ITSN1: variants seen among roughly 807,000 people sequenced by gnomAD.
ITSN1 encodes intersectin-1.
Under a neutral mutation model 239.8 loss-of-function variants are expected in ITSN1, and 58 were observed. That is an observed-to-expected ratio of 0.24 (90% CI 0.20 to 0.30). The LOEUF (loss-of-function observed/expected upper bound fraction) is 0.30, where lower values mean the gene tolerates loss of function less well. Ranked by LOEUF, ITSN1 falls within the 10% of genes least tolerant of loss-of-function variation. ITSN1 has a pLI of 1.00. For missense variants in ITSN1, 1,558 were observed against 2,103.3 expected, an observed-to-expected ratio of 0.74 and a Z score of 5.07; for synonymous variants, 780 against 770.8, an observed-to-expected ratio of 1.01 and a Z score of -0.20.
intron 16 of ITSN1, among the ~76,000 whole-genome samples, chr21:33,792,446 G>T (rs191478182): frequency 1.4e-3 from 211 of 152,106 alleles, no homozygotes; most frequent in Non-Finnish European, 2.0e-3. Context: ...ATAGTCTTTT[G>T]CTGTAAATTA....
chr21:33,734,640 C>G (rs1378084558), intron 4 of ITSN1, among the ~76,000 whole-genome samples: 1 of 152,156 alleles, frequency 6.6e-6, no homozygotes, highest in Non-Finnish European at 1.5e-5. Flanking sequence ...TTTCTAATAG[C>G]TTTATTGTGA....
rs184998704 is a variant in ITSN1 at position 33,655,033 on chromosome 21, T to C, written c.-33+12320T>C. ...CCTTGTCTCTTTTTTTTTTTCACTATGTCTAGGGACGTTGTGAATTTGTTA... is the reference window on the plus strand; with the variant it reads ...CCTTGTCTCTTTTTTTTTTTCACTACGTCTAGGGACGTTGTGAATTTGTTA... On this transcript the variant is annotated intron_variant, in intron 1 of 39. Coordinates refer to ENST00000381318, the MANE Select transcript of ITSN1 (RefSeq NM_003024.3). Among the ~76,000 whole-genome samples, 289 of 152,320 alleles carry C rather than the reference T, an allele frequency of 1.9e-3. 1 individual carries two copies. The highest frequency in any genetic ancestry group is 2.8e-3 in the Non-Finnish European group (192 of 68,026).
At chr21:33,762,681 A>G (rs1381830926) in intron 9 of ITSN1, among the ~76,000 whole-genome samples, 1 of 151,270 alleles carries the variant, frequency 6.6e-6, no homozygotes. Flanking sequence ...TATTATTATT[A>G]CTTTTGAGAT....
At chr21:33,741,640 C>T (rs189587717) in intron 5 of ITSN1, among the ~76,000 whole-genome samples, 1 of 152,096 alleles carries the variant, frequency 6.6e-6, no homozygotes, top group South Asian at 2.1e-4. Context: ...CGCCTGTAAT[C>T]CCAGCACTTT....
chr21:33,888,868 T>C lies in ITSN1; in HGVS notation c.*568T>C, dbSNP rs565684987. On this transcript the variant is annotated 3_prime_UTR_variant, in exon 40 of 40. Coordinates refer to ENST00000381318, the MANE Select transcript of ITSN1 (RefSeq NM_003024.3). ...TGAGACGGTCTGATCAGGCCCTGGC[T>C]TAGCTCTTTGAAGAGCTGGTCTATG... The C allele has an allele frequency of 6.6e-6, 1 of 152,390 alleles. No individual in the cohort carries two copies. Among genetic ancestry groups the C allele is most frequent in the Non-Finnish European group, 1.5e-5 (1 of 68,186 alleles). 9.4% of individuals were successfully genotyped at this position (152,390 alleles called of 1,614,324 possible). A position where few individuals can be genotyped will look rare whatever the true frequency, so the allele number is the denominator to read the frequency against.
At chr21:33,817,920 G>A (rs2073396766) in intron 22 of ITSN1, 3 of 329,650 alleles carry the variant, frequency 9.1e-6, no homozygotes, top group South Asian at 7.4e-5. Flanking sequence ...GAAATGGGGA[G>A]GTGTCCCGGG....
chr21:33,810,309 T>G (rs1034352063), intron 20 of ITSN1, among the ~76,000 whole-genome samples: 6 of 152,332 alleles, frequency 3.9e-5, no homozygotes, highest in Non-Finnish European at 7.4e-5. Flanking sequence ...GATTTTCCTG[T>G]GCACTGAATA....
At chr21:33,749,187 G>T (rs1033176164) in intron 5 of ITSN1, among the ~76,000 whole-genome samples, 13 of 151,932 alleles carry the variant, frequency 8.6e-5, no homozygotes. Context: ...ATGGGATTTT[G>T]CTATGTTGCC....
At chr21:33,781,854 C>A in intron 15 of ITSN1, 140 bp from the exon 16 acceptor site, 1 of 794,874 alleles carries the variant, frequency 1.3e-6, no homozygotes, top group Non-Finnish European at 2.0e-6. Flanking sequence ...GCTGGGATTA[C>A]AGGTGTAGGC....
chr21:33,857,012 A>C (rs1979479225), intron 30 of ITSN1, among the ~76,000 whole-genome samples, 155 bp downstream of exon 30: 1 of 152,146 alleles, frequency 6.6e-6, no homozygotes, highest in Admixed American at 6.5e-5. Flanking sequence ...GGAGATTGCG[A>C]CCGCAGAGAC....
intron 1 of ITSN1, among the ~76,000 whole-genome samples, chr21:33,716,133 A>C (rs538165228): frequency 1.2e-4 from 19 of 152,270 alleles, no homozygotes; most frequent in Middle Eastern, 3.4e-3. Flanking sequence ...GGATATCTTG[A>C]GAGAGTTCCT....
At chr21:33,773,528 G>A (rs2069346234) in intron 12 of ITSN1, among the ~76,000 whole-genome samples, 1 of 152,126 alleles carries the variant, frequency 6.6e-6, no homozygotes, top group Admixed American at 6.5e-5. Context: ...AATAGCCTGA[G>A]TGCTGTGCCT....
intron 1 of ITSN1, among the ~76,000 whole-genome samples, chr21:33,655,672 A>G (rs752353177): frequency 6.8e-6 from 1 of 147,998 alleles, no homozygotes; most frequent in African/African-American, 2.5e-5. Context: ...ACCCAAAGTG[A>G]TCTGCCTGCT....
intron 1 of ITSN1, among the ~76,000 whole-genome samples, chr21:33,703,354 T>C (rs1299227701): frequency 6.6e-6 from 1 of 152,036 alleles, no homozygotes; most frequent in Non-Finnish European, 1.5e-5. Context: ...AATTGGCTCT[T>C]TTTTCCTGAA....
intron 1 of ITSN1, among the ~76,000 whole-genome samples, chr21:33,704,740 C>T (rs1012974238): frequency 3.9e-4 from 59 of 151,652 alleles, no homozygotes; most frequent in African/African-American, 1.2e-3. Context: ...TCTTTGATTC[C>T]GGGAGTAAGG....
At chr21:33,760,870 C>T (rs755202048) in intron 8 of ITSN1, among the ~76,000 whole-genome samples, 7 of 152,090 alleles carry the variant, frequency 4.6e-5, no homozygotes, top group Non-Finnish European at 7.4e-5. Flanking sequence ...GAAAGGAAGA[C>T]GTATTTATTT....
chr21:33,872,128 G>A (rs368450718), intron 33 of ITSN1, among the ~76,000 whole-genome samples: 7 of 152,206 alleles, frequency 4.6e-5, no homozygotes, highest in South Asian at 2.1e-4. Context: ...CCAGATGAGC[G>A]TATATTGAAA....
rs113648117 is a variant in ITSN1, at chr21:33,841,141, T to C, written c.3661+4509T>C. 6.3e-3 allele frequency among the ~76,000 whole-genome samples: 966 copies of C among 152,320 alleles called. 11 individuals carry two copies. The highest frequency in any genetic ancestry group is 0.022 in the African/African-American group (915 of 41,574). The stretch of plus-strand genomic sequence containing the variant: ...AGTCACAAAATATCTAACCATTACA[T>C]GCATGGTAGAAACTGGTATCTTCCC... On this transcript the variant is annotated intron_variant, in intron 29 of 39. Coordinates refer to ENST00000381318, the MANE Select transcript of ITSN1 (RefSeq NM_003024.3).
chr21:33,654,980 T>G (rs2088908509), intron 1 of ITSN1, among the ~76,000 whole-genome samples: 1 of 152,194 alleles, frequency 6.6e-6, no homozygotes, highest in African/African-American at 2.4e-5. Flanking sequence ...CTTCTCATTC[T>G]TACCACAATA....
Sources: gnomAD v4.1 joint callset for allele counts (sites outside exome capture counted in the v4.1 genomes callset) on GRCh38, gnomAD v4.1.1 for gene constraint, MANE v1.5 for transcripts, NCBI Gene and HGNC (gene_info 2026-07-23, HGNC 2026-07-21) for gene names.